Variants in MITF observed in about 807,000 individuals in gnomAD.
The protein encoded by MITF is microphthalmia-associated transcription factor.
A neutral mutation model predicts 60.5 loss-of-function variants in MITF; 17 were observed. The observed-to-expected ratio is 0.28, with a 90% CI of 0.19 to 0.42. The LOEUF (loss-of-function observed/expected upper bound fraction) is 0.42, where lower values mean the gene tolerates loss of function less well. Ranked by LOEUF, MITF falls within the 10% of genes least tolerant of loss-of-function variation. The pLI, the probability that MITF is intolerant of heterozygous loss-of-function variation, is 1.00. For synonymous variants in MITF, 260 were observed against 248.5 expected (o/e 1.05, Z -0.43); for missense variants, 622 against 683.5 (o/e 0.91, Z 1.00).
intron 1 of MITF, among the ~76,000 whole-genome samples, chr3:69,799,211 A>G (rs935923931): frequency 1.3e-5 from 2 of 152,156 alleles, no homozygotes; most frequent in Non-Finnish European, 2.9e-5. Context: ...TCCTTGGGAG[A>G]ATGCATAGTG....
chr3:69,889,025 GTTTTTTTTTTTTTTT>G (rs4057977), intron 2 of MITF, among the ~76,000 whole-genome samples: 10 of 58,818 alleles, frequency 1.7e-4, no homozygotes, highest in Admixed American at 1.1e-3. Context: ...ATAGCCTTTG[GTTTTTTTTTTTTTTT>G]TTTTTTTTTT....
intron 1 of MITF, among the ~76,000 whole-genome samples, chr3:69,782,127 C>T (rs1305981975): frequency 6.6e-6 from 1 of 152,198 alleles, no homozygotes; most frequent in Non-Finnish European, 1.5e-5. Flanking sequence ...TTGTGCAGTG[C>T]ACAGCCTGAG....
At position 69,938,621 on chromosome 3, in the gene MITF, A is replaced by G. The variant is rs544734510; in HGVS notation, c.583-477A>G. On this transcript the variant is annotated intron_variant, in intron 3 of 9. Coordinates refer to ENST00000352241, the MANE Select transcript of MITF (RefSeq NM_001354604.2). Reference sequence around the variant, plus strand: ...ATAATAAAATTGCCACTGCCCGTTAAATCTGCTTTGGTGAAGGCTGGATTG... The same window carrying G: ...ATAATAAAATTGCCACTGCCCGTTAGATCTGCTTTGGTGAAGGCTGGATTG... 5.2e-6 allele frequency: 7 copies of G among 1,347,686 alleles called. No individual in the cohort carries two copies. The African/African-American group carries it at 7.3e-5, about 14-fold the overall frequency. 83.5% of individuals were successfully genotyped at this position (1,347,686 alleles called of 1,614,324 possible).
At chr3:69,745,433 G>A (rs1703685008) in intron 1 of MITF, among the ~76,000 whole-genome samples, 1 of 152,160 alleles carries the variant, frequency 6.6e-6, no homozygotes, top group African/African-American at 2.4e-5. Flanking sequence ...GTGGGCATCA[G>A]CAGTTGGGGG....
chr3:69,815,140 A>G (rs1362597168), intron 1 of MITF, among the ~76,000 whole-genome samples: 1 of 152,214 alleles, frequency 6.6e-6, no homozygotes, highest in Non-Finnish European at 1.5e-5. Flanking sequence ...GACCTCAGAC[A>G]TACAAAAACA....
chr3:69,750,899 C>T (rs908017655), intron 1 of MITF, among the ~76,000 whole-genome samples: 10 of 151,930 alleles, frequency 6.6e-5, no homozygotes, highest in African/African-American at 2.4e-4. Context: ...CCATATTTGC[C>T]GTGTTTAATC....
At chr3:69,804,821 C>T (rs141245791) in intron 1 of MITF, among the ~76,000 whole-genome samples, 11 of 152,298 alleles carry the variant, frequency 7.2e-5, no homozygotes, top group Non-Finnish European at 1.3e-4. Flanking sequence ...GGAAGGTCAG[C>T]GTGATGACGT....
At chr3:69,936,802 T>C (rs1191590192) in intron 2 of MITF, 3 of 1,558,384 alleles carry the variant, frequency 1.9e-6, no homozygotes, top group Non-Finnish European at 2.7e-6. Flanking sequence ...TATAATGCAA[T>C]AAATTGATTT....
At chr3:69,942,022 G>A (rs1408337791) in intron 5 of MITF, among the ~76,000 whole-genome samples, 3 of 152,096 alleles carry the variant, frequency 2.0e-5, no homozygotes, top group Non-Finnish European at 2.9e-5. Context: ...ACAGTCTTAC[G>A]CAAGATTACA....
chr3:69,805,858 T>G (rs6797168), intron 1 of MITF, among the ~76,000 whole-genome samples: 76,553 of 151,668 alleles, frequency 0.5, 20,942 homozygotes, highest in Non-Finnish European at 0.64. Context: ...ACAAGATCTT[T>G]CTATGTTTTC....
At chr3:69,907,436 G>A (rs76282956) in intron 2 of MITF, among the ~76,000 whole-genome samples, 2,328 of 152,258 alleles carry the variant, frequency 0.015, 28 homozygotes, top group Middle Eastern at 0.051. Flanking sequence ...TATTGCAGCA[G>A]AACAAGCAAA....
chr3:69,896,004 C>G (rs2064869062), intron 2 of MITF, among the ~76,000 whole-genome samples: 2 of 152,036 alleles, frequency 1.3e-5, no homozygotes, highest in African/African-American at 4.8e-5. Context: ...TTTCCTCCCC[C>G]TCTCTTTCTC....
intron 2 of MITF, among the ~76,000 whole-genome samples, chr3:69,905,523 A>G (rs982379942): frequency 1.3e-5 from 2 of 152,138 alleles, no homozygotes; most frequent in African/African-American, 4.8e-5. Flanking sequence ...TGAATCATAT[A>G]GTAGACATAT....
At chr3:69,802,968 G>A (rs968282263) in intron 1 of MITF, among the ~76,000 whole-genome samples, 2 of 151,710 alleles carry the variant, frequency 1.3e-5, no homozygotes, top group African/African-American at 2.4e-5. Context: ...GTAGGGACGG[G>A]GTTTCTCCAT....
intron 1 of MITF, among the ~76,000 whole-genome samples, chr3:69,796,846 T>C (rs2062839973): frequency 6.6e-6 from 1 of 152,190 alleles, no homozygotes; most frequent in Non-Finnish European, 1.5e-5. Context: ...ATCTATTGCC[T>C]TGACAACAAA....
chr3:69,925,741 A>C (rs888532249), intron 2 of MITF, among the ~76,000 whole-genome samples: 3 of 152,066 alleles, frequency 2.0e-5, no homozygotes, highest in Admixed American at 2.0e-4. Context: ...TCTTGTCCTT[A>C]TTCATCCAAT....
intron 5 of MITF, among the ~76,000 whole-genome samples, chr3:69,944,523 T>C (rs2066048576): frequency 6.6e-6 from 1 of 152,160 alleles, no homozygotes; most frequent in Non-Finnish European, 1.5e-5. Context: ...ATCCCCATAC[T>C]GGAAAGGCTA....
At chr3:69,772,869 G>A (rs1474385101) in intron 1 of MITF, among the ~76,000 whole-genome samples, 1 of 152,156 alleles carries the variant, frequency 6.6e-6, no homozygotes, top group African/African-American at 2.4e-5. Context: ...AGTTGTCTAG[G>A]TATGAGGAAT....
At chr3:69,802,575 G>A (rs559158488) in intron 1 of MITF, among the ~76,000 whole-genome samples, 5 of 151,524 alleles carry the variant, frequency 3.3e-5, no homozygotes, top group African/African-American at 7.3e-5. Context: ...TGAGGGAACC[G>A]CCATCCATTC....
Sources: gnomAD v4.1 joint callset for allele counts (sites outside exome capture counted in the v4.1 genomes callset) on GRCh38, gnomAD v4.1.1 for gene constraint, MANE v1.5 for transcripts, NCBI Gene and HGNC (gene_info 2026-07-23, HGNC 2026-07-21) for gene names.